HYCC1: variants seen among roughly 807,000 people sequenced by gnomAD.
The protein encoded by HYCC1 is hyccin.
At chr7:22,974,404 G>T in the HYCC1 span, among the ~76,000 whole-genome samples, 1 of 152,100 alleles carries the variant, frequency 6.6e-6, no homozygotes, top group Non-Finnish European at 1.5e-5. Flanking sequence ...AGATTTTACA[G>T]ATCTGTGAAA....
At chr7:22,990,724 C>T in the HYCC1 span, among the ~76,000 whole-genome samples, 73 of 152,322 alleles carry the variant, frequency 4.8e-4, no homozygotes, top group African/African-American at 1.7e-3. Flanking sequence ...CCCAGTTCCA[C>T]TGCCCTCCAA....
chr7:22,948,946 G>A, the HYCC1 span, among the ~76,000 whole-genome samples: 2 of 151,910 alleles, frequency 1.3e-5, no homozygotes, highest in Non-Finnish European at 2.9e-5. Flanking sequence ...CATGCCAGAG[G>A]TCACTGCAAC....
At chr7:22,998,210 A>C in the HYCC1 span, among the ~76,000 whole-genome samples, 1 of 152,230 alleles carries the variant, frequency 6.6e-6, no homozygotes, top group Non-Finnish European at 1.5e-5. Flanking sequence ...CATGTTGACC[A>C]AAAGAATGCA....
the HYCC1 span, among the ~76,000 whole-genome samples, chr7:22,910,854 C>G: frequency 4.6e-4 from 64 of 138,040 alleles, no homozygotes; most frequent in Non-Finnish European, 7.0e-4. Flanking sequence ...TATGCTTATT[C>G]TTTCTGAAAT....
At chr7:22,946,072 C>A in the HYCC1 span, 1 of 1,613,714 alleles carries the variant, frequency 6.2e-7, no homozygotes, top group South Asian at 1.1e-5. Flanking sequence ...ATAAACCCGA[C>A]TGGCTGGTAC....
chr7:22,924,024 A>T, the HYCC1 span, among the ~76,000 whole-genome samples: 1 of 149,878 alleles, frequency 6.7e-6, no homozygotes, highest in Non-Finnish European at 1.5e-5. Flanking sequence ...ACCCAAAAAA[A>T]CCCAAATTAG....
At chr7:22,985,822 T>C in the HYCC1 span, 1 of 148,718 alleles carries the variant, frequency 6.7e-6, no homozygotes, top group South Asian at 2.1e-4. Context: ...AAATTATATA[T>C]ATAATTTATA....
At chr7:23,011,792 G>GC in the HYCC1 span, among the ~76,000 whole-genome samples, 2 of 152,106 alleles carry the variant, frequency 1.3e-5, no homozygotes, top group Admixed American at 6.5e-5. Flanking sequence ...AGGCCTCCTT[G>GC]CCTTCTCAAT....
At chr7:22,917,929 C>T in the HYCC1 span, among the ~76,000 whole-genome samples, 1 of 152,198 alleles carries the variant, frequency 6.6e-6, no homozygotes, top group Admixed American at 6.5e-5. Flanking sequence ...ATCTCCACCA[C>T]ACTATCAATC....
the HYCC1 span, among the ~76,000 whole-genome samples, chr7:22,924,161 G>A: frequency 7.1e-6 from 1 of 140,792 alleles, no homozygotes; most frequent in Non-Finnish European, 1.5e-5. Flanking sequence ...CTGGGTGACA[G>A]AGCGAGACTC....
chr7:22,984,020 T>G, the HYCC1 span: 1 of 1,604,464 alleles, frequency 6.2e-7, no homozygotes, highest in Non-Finnish European at 8.5e-7. Context: ...TGTGGCATAA[T>G]TTGGTAAAGA....
the HYCC1 span, among the ~76,000 whole-genome samples, chr7:22,999,704 C>T: frequency 6.6e-6 from 1 of 152,050 alleles, no homozygotes; most frequent in Non-Finnish European, 1.5e-5. Flanking sequence ...GTTCAAATTG[C>T]AACATTAATA....
the HYCC1 span, among the ~76,000 whole-genome samples, chr7:22,921,687 A>G: frequency 6.6e-6 from 1 of 152,206 alleles, no homozygotes; most frequent in African/African-American, 2.4e-5. Flanking sequence ...GATTATGGGT[A>G]AAAATAATAG....
the HYCC1 span, among the ~76,000 whole-genome samples, chr7:22,987,272 C>G: frequency 1.3e-5 from 2 of 152,196 alleles, no homozygotes; most frequent in Admixed American, 1.3e-4. Context: ...ATAGGACAAG[C>G]GCGGTGGCTC....
the HYCC1 span, among the ~76,000 whole-genome samples, chr7:22,908,263 A>T: frequency 1.3e-5 from 2 of 152,336 alleles, no homozygotes; most frequent in South Asian, 4.1e-4. Flanking sequence ...CTTCTATTTT[A>T]GGAGCTAACA....
At chr7:22,943,690 A>G in the HYCC1 span, 1 of 152,642 alleles carries the variant, frequency 6.6e-6, no homozygotes, top group South Asian at 2.1e-4. Flanking sequence ...ATAACTATGC[A>G]CAGGGGAAAT....
the HYCC1 span, chr7:22,939,678 A>C: frequency 6.6e-6 from 1 of 152,188 alleles, no homozygotes; most frequent in South Asian, 2.1e-4. Context: ...GGTAGGATTT[A>C]ATTAGTATCT....
the HYCC1 span, among the ~76,000 whole-genome samples, chr7:22,951,032 G>A: frequency 6.6e-6 from 1 of 151,830 alleles, no homozygotes; most frequent in Non-Finnish European, 1.5e-5. Flanking sequence ...ATGTAGAAAT[G>A]AAAGTTAAAG....
At chr7:22,984,843 C>T in the HYCC1 span, among the ~76,000 whole-genome samples, 1 of 152,106 alleles carries the variant, frequency 6.6e-6, no homozygotes. Flanking sequence ...TACCAACAAA[C>T]GAATTTTCCT....
Sources: gnomAD v4.1 joint callset for allele counts (sites outside exome capture counted in the v4.1 genomes callset) on GRCh38, gnomAD v4.1.1 for gene constraint, MANE v1.5 for transcripts, NCBI Gene and HGNC (gene_info 2026-07-23, HGNC 2026-07-21) for gene names.